The following SH3GL2 variants were observed in gnomAD, a reference collection of about 807,000 sequenced individuals.
SH3GL2 encodes the protein SH3 domain containing GRB2 like 2, endophilin A1.
SH3GL2 carries 24 observed loss-of-function variants against 46.0 expected under a neutral mutation model. That is an observed-to-expected ratio of 0.52 (90% confidence interval 0.38 to 0.73). The LOEUF is 0.73. Ranked by LOEUF, SH3GL2 falls within the 30% of genes least tolerant of loss-of-function variation. SH3GL2 has a pLI of 0.00. For synonymous variants in SH3GL2, 196 were observed against 147.1 expected (o/e 1.33, Z -2.40); for missense variants, 413 against 424.2 (o/e 0.97, Z 0.23).
At chr9:17,729,629 A>T (rs999581301) in intron 1 of SH3GL2, among the ~76,000 whole-genome samples, 2 of 152,168 alleles carry the variant, frequency 1.3e-5, no homozygotes, top group Non-Finnish European at 2.9e-5. Flanking sequence ...TCTTGAATTA[A>T]TTTTTGTATA....
At chr9:17,770,745 A>G (rs1026174271) in intron 3 of SH3GL2, among the ~76,000 whole-genome samples, 1 of 152,180 alleles carries the variant, frequency 6.6e-6, no homozygotes, top group African/African-American at 2.4e-5. Context: ...GGAGAGGACC[A>G]CATGTCAAGG....
At chr9:17,691,316 A>G (rs777860510) in intron 1 of SH3GL2, among the ~76,000 whole-genome samples, 2 of 152,158 alleles carry the variant, frequency 1.3e-5, no homozygotes, top group Non-Finnish European at 2.9e-5. Flanking sequence ...TATTTTATCT[A>G]TCAGAAAATA....
intron 1 of SH3GL2, among the ~76,000 whole-genome samples, chr9:17,723,077 C>T (rs950588457): frequency 2.6e-5 from 4 of 151,994 alleles, no homozygotes; most frequent in African/African-American, 9.7e-5. Flanking sequence ...GAAAACAAAA[C>T]AGAAAAATGT....
chr9:17,657,692 G>T (rs897910106), intron 1 of SH3GL2, among the ~76,000 whole-genome samples: 2 of 150,876 alleles, frequency 1.3e-5, no homozygotes, highest in African/African-American at 4.9e-5. Flanking sequence ...CTGTGATTTG[G>T]CCTATTTCAC....
At chr9:17,592,872 G>A (rs944686874) in intron 1 of SH3GL2, among the ~76,000 whole-genome samples, 1 of 152,162 alleles carries the variant, frequency 6.6e-6, no homozygotes, top group Non-Finnish European at 1.5e-5. Context: ...ATGCTTAGAG[G>A]GTTGGGACTT....
At chr9:17,642,795 C>T (rs980907648) in intron 1 of SH3GL2, among the ~76,000 whole-genome samples, 1 of 152,088 alleles carries the variant, frequency 6.6e-6, no homozygotes, top group African/African-American at 2.4e-5. Flanking sequence ...ATACCTCCAG[C>T]TTTGTTGTTT....
At chr9:17,684,446 C>G (rs1040356117) in intron 1 of SH3GL2, among the ~76,000 whole-genome samples, 1 of 151,820 alleles carries the variant, frequency 6.6e-6, no homozygotes, top group African/African-American at 2.4e-5. Context: ...TGTTAGAGCC[C>G]CTAAGAGCTT....
intron 3 of SH3GL2, among the ~76,000 whole-genome samples, chr9:17,773,524 A>G (rs1452827802): frequency 1.3e-5 from 2 of 152,034 alleles, no homozygotes; most frequent in Non-Finnish European, 2.9e-5. Context: ...ATTTTTTTGC[A>G]TATAGATCCA....
At chr9:17,654,422 C>T (rs1820024258) in intron 1 of SH3GL2, among the ~76,000 whole-genome samples, 1 of 152,126 alleles carries the variant, frequency 6.6e-6, no homozygotes, top group South Asian at 2.1e-4. Context: ...AATGAATTAG[C>T]AGTCATTGAA....
At chr9:17,592,083 A>G (rs1250815434) in intron 1 of SH3GL2, among the ~76,000 whole-genome samples, 2 of 152,064 alleles carry the variant, frequency 1.3e-5, no homozygotes, top group East Asian at 3.9e-4. Flanking sequence ...GAATCAGGAA[A>G]CCCGGTGGTG....
intron 1 of SH3GL2, among the ~76,000 whole-genome samples, chr9:17,629,065 T>C (rs1402994804): frequency 2.0e-5 from 3 of 151,968 alleles, no homozygotes; most frequent in Admixed American, 1.3e-4. Context: ...GAAGAGGACT[T>C]AGATGAATTG....
At chr9:17,653,926 G>A (rs1820010478) in intron 1 of SH3GL2, 3 of 849,766 alleles carry the variant, frequency 3.5e-6, no homozygotes, top group Non-Finnish European at 4.2e-6. Flanking sequence ...CATCACATCT[G>A]TAACAAAAGA....
chr9:17,613,109 C>G (rs1038106361), intron 1 of SH3GL2, among the ~76,000 whole-genome samples: 1 of 152,092 alleles, frequency 6.6e-6, no homozygotes, highest in East Asian at 1.9e-4. Context: ...CTTAGGCTGT[C>G]TAAATACGGT....
chr9:17,694,849 G>T (rs1461741443), intron 1 of SH3GL2, among the ~76,000 whole-genome samples: 1 of 152,140 alleles, frequency 6.6e-6, no homozygotes, highest in Non-Finnish European at 1.5e-5. Flanking sequence ...ACAAGTGGGG[G>T]CTTACAGACT....
intron 1 of SH3GL2, among the ~76,000 whole-genome samples, chr9:17,623,861 C>G (rs188134487): frequency 6.6e-6 from 1 of 152,040 alleles, no homozygotes; most frequent in Non-Finnish European, 1.5e-5. Flanking sequence ...ATAACCGCAG[C>G]ACTATTATCA....
intron 1 of SH3GL2, among the ~76,000 whole-genome samples, chr9:17,685,180 A>G (rs916382225): frequency 2.6e-5 from 4 of 152,054 alleles, no homozygotes; most frequent in Non-Finnish European, 4.4e-5. Flanking sequence ...GATGGAATCA[A>G]GAGATTTATT....
intron 1 of SH3GL2, among the ~76,000 whole-genome samples, chr9:17,621,565 A>G (rs549459163): frequency 6.6e-6 from 1 of 152,318 alleles, no homozygotes; most frequent in South Asian, 2.1e-4. Flanking sequence ...ATATAATCAG[A>G]TAAGAGAGGA....
At position 17,658,479 on chromosome 9, in the gene SH3GL2, T is replaced by C. The variant is rs184244848; in HGVS notation, c.45+79192T>C. ...CTTGTGGAAGAAAATGGATTTATAATAGCAATTAATAAAAAATAGTAACAA... is the reference window on the plus strand; with the variant it reads ...CTTGTGGAAGAAAATGGATTTATAACAGCAATTAATAAAAAATAGTAACAA... On this transcript the variant is annotated intron_variant, in intron 1 of 8. Coordinates refer to ENST00000380607, the MANE Select transcript of SH3GL2 (RefSeq NM_003026.5). 7.2e-5 allele frequency among the ~76,000 whole-genome samples: 11 copies of C among 152,352 alleles called. No individual in the cohort carries two copies. The East Asian group carries it at 1.7e-3, about 24-fold the overall frequency.
At chr9:17,781,766 A>G (rs1237448899) in intron 3 of SH3GL2, among the ~76,000 whole-genome samples, 1 of 152,132 alleles carries the variant, frequency 6.6e-6, no homozygotes, top group Non-Finnish European at 1.5e-5. Context: ...GGTACCTAGA[A>G]TGGCCTTTCC....
Sources: gnomAD v4.1 joint callset for allele counts (sites outside exome capture counted in the v4.1 genomes callset) on GRCh38, gnomAD v4.1.1 for gene constraint, MANE v1.5 for transcripts, NCBI Gene and HGNC (gene_info 2026-07-23, HGNC 2026-07-21) for gene names.